TAF3: variants seen among roughly 807,000 people sequenced by gnomAD.
The protein encoded by TAF3 is TATA-box binding protein associated factor 3.
Under a neutral mutation model 80.6 loss-of-function variants are expected in TAF3, and 7 were observed. The ratio of observed to expected loss-of-function variants is 0.09; its 90% CI spans 0.05 to 0.16. The LOEUF is 0.16. TAF3 is among the 10% of genes least tolerant of loss of function. TAF3 has a pLI of 1.00. For missense variants in TAF3, 921 were observed against 1,140.2 expected, an observed-to-expected ratio of 0.81 and a Z score of 2.77; for synonymous variants, 444 against 446.1, an observed-to-expected ratio of 1.00 and a Z score of 0.06.
intron 2 of TAF3, among the ~76,000 whole-genome samples, chr10:7,850,184 T>G (rs1440801953): frequency 6.6e-6 from 1 of 152,210 alleles, no homozygotes; most frequent in Non-Finnish European, 1.5e-5. Context: ...GATGTACCTG[T>G]GGATTAAATC....
chr10:7,943,264 T>C (rs988989816), intron 2 of TAF3, among the ~76,000 whole-genome samples: 2 of 152,182 alleles, frequency 1.3e-5, no homozygotes, highest in African/African-American at 4.8e-5. Flanking sequence ...GTCTTCTGAT[T>C]CTGGCTCCTA....
At chr10:7,994,985 A>G (rs1226610259) in intron 4 of TAF3, among the ~76,000 whole-genome samples, 2 of 151,092 alleles carry the variant, frequency 1.3e-5, no homozygotes, top group African/African-American at 2.4e-5. Context: ...AAGAAAAAAA[A>G]AAAAAAAAAA....
At position 7,910,319 on chromosome 10, in the gene TAF3, A is replaced by G. The variant is rs556823174; in HGVS notation, c.410-53601A>G. On this transcript the variant is annotated intron_variant, in intron 2 of 6. Coordinates refer to ENST00000344293, the MANE Select transcript of TAF3 (RefSeq NM_031923.4). ...TACTGCAAATAGAAAATACTGCTAC[A>G]ACATACAAACATCTAAATATCAGGA... Among the ~76,000 whole-genome samples the G allele has an allele frequency of 5.3e-5, 8 of 152,236 alleles. 1 individual carries two copies. Among genetic ancestry groups the G allele is most frequent in the African/African-American group, 1.9e-4 (8 of 41,584 alleles).
intron 2 of TAF3, among the ~76,000 whole-genome samples, chr10:7,902,115 G>A (rs1361588947): frequency 6.6e-6 from 1 of 151,972 alleles, no homozygotes; most frequent in African/African-American, 2.4e-5. Context: ...ACATATTTAG[G>A]GACTTTAACA....
chr10:7,862,052 T>C (rs937254295), intron 2 of TAF3, among the ~76,000 whole-genome samples: 4 of 152,204 alleles, frequency 2.6e-5, no homozygotes, highest in Non-Finnish European at 5.9e-5. Flanking sequence ...GTCACTGAGC[T>C]TTCTGCTACA....
intron 2 of TAF3, among the ~76,000 whole-genome samples, chr10:7,845,960 T>G (rs1200453077): frequency 2.2e-5 from 1 of 44,810 alleles, no homozygotes; most frequent in Non-Finnish European, 4.5e-5. Context: ...TGTGTTTTTG[T>G]TTTTTTTTTT....
intron 2 of TAF3, among the ~76,000 whole-genome samples, chr10:7,845,743 C>T (rs1276425266): frequency 1.3e-5 from 2 of 152,048 alleles, no homozygotes; most frequent in Admixed American, 6.6e-5. Context: ...TTCAATTGGC[C>T]GTGTGAGAGG....
At position 7,963,969 on chromosome 10, in the gene TAF3, C is replaced by G; in HGVS notation, c.459C>G (p.Ala153=). Residue 153 remains alanine, a synonymous_variant, in exon 3 of 7, where the codon GCC becomes GCG. Transcript: ENST00000344293. ...VPTDGGTSAE[A]MQVPLEEDDE... ...CTGATGGAGGCACATCAGCAGAAGC[C>G]ATGCAGGTTCCCTTGGAAGAAGATG... is the stretch of plus-strand genomic sequence containing the variant. 15 of 1,613,552 alleles carry G rather than the reference C, an allele frequency of 9.3e-6. No homozygotes were observed. Among genetic ancestry groups the G allele is most frequent in the Non-Finnish European group, 1.3e-5 (15 of 1,179,788 alleles).
At chr10:8,000,966 G>T (rs1174955690) in intron 4 of TAF3, among the ~76,000 whole-genome samples, 3 of 152,002 alleles carry the variant, frequency 2.0e-5, no homozygotes. Flanking sequence ...TCATTTGTGT[G>T]TGTGCACACA....
chr10:7,856,198 A>G (rs750666118), intron 2 of TAF3, among the ~76,000 whole-genome samples: 9 of 152,040 alleles, frequency 5.9e-5, no homozygotes, highest in Non-Finnish European at 1.0e-4. Flanking sequence ...ATCAGAAAAG[A>G]TTTTGGCTGG....
At chr10:7,894,321 A>G (rs1381259797) in intron 2 of TAF3, among the ~76,000 whole-genome samples, 3 of 152,232 alleles carry the variant, frequency 2.0e-5, no homozygotes, top group Non-Finnish European at 4.4e-5. Flanking sequence ...AAACGTGAAA[A>G]AAATTACCAC....
chr10:7,989,364 A>G (rs1259273384), intron 4 of TAF3, among the ~76,000 whole-genome samples: 1 of 152,246 alleles, frequency 6.6e-6, no homozygotes, highest in African/African-American at 2.4e-5. Context: ...CAAACCCAGC[A>G]GATGCCCTGA....
rs1256080028 is a variant in TAF3 at position 8,014,673 on chromosome 10, G to C, written c.2712G>C (p.Glu904Asp). ...CVGIMTAPPE[E>D]MQWFCPKCAN... ...GAATCATGACTGCACCCCCAGAAGA[G>C]ATGCAGTGGTTCTGCCCCAAGTGTG... is the stretch of plus-strand genomic sequence containing the variant. The change falls in exon 7 of 7, where the codon GAG (glutamate) becomes GAC (aspartate). Residue 904 changes from glutamate to aspartate, a missense_variant. By Grantham distance (45) the Glu-to-Asp change is conservative (BLOSUM62 2). Coordinates refer to ENST00000344293, the MANE Select transcript of TAF3 (RefSeq NM_031923.4). The C allele has an allele frequency of 1.2e-6, 2 of 1,613,136 alleles. No individual in the cohort carries two copies. The highest frequency in any genetic ancestry group is 8.5e-7 in the Non-Finnish European group (1 of 1,179,642).
At chr10:7,892,818 CT>C (rs1020623158) in intron 2 of TAF3, among the ~76,000 whole-genome samples, 181 of 137,108 alleles carry the variant, frequency 1.3e-3, no homozygotes, top group Admixed American at 1.8e-3. Context: ...TTTTCTTTTT[CT>C]TTTTTTTTTT....
rs1215524851 is a variant in TAF3 at position 7,842,157 on chromosome 10, TTTTTTTGTTTTTTTTTTTG to T, written c.409+17604_409+17622del. On this transcript the variant is annotated intron_variant, in intron 2 of 6. Transcript: ENST00000344293. ...AGGATATTGAATTAATATTGTTTTT[TTTTTTTGTTTTTTTTTTTG>T]TTTTTTTTTTTTTTTGAGACAGAGT... 1.9e-4 allele frequency among the ~76,000 whole-genome samples: 23 copies of T among 122,872 alleles called. 1 individual carries two copies. The highest frequency in any genetic ancestry group is 3.4e-4 in the African/African-American group (11 of 32,560). 80.6% of individuals were successfully genotyped at this position (122,872 alleles called of 152,430 possible).
chr10:7,879,926 T>C (rs991040917), intron 2 of TAF3, among the ~76,000 whole-genome samples: 4 of 152,142 alleles, frequency 2.6e-5, no homozygotes, highest in Non-Finnish European at 5.9e-5. Context: ...AAATAAAACC[T>C]GGCTGGGCAC....
chr10:7,861,366 A>G (rs905744760), intron 2 of TAF3, among the ~76,000 whole-genome samples: 1 of 151,702 alleles, frequency 6.6e-6, no homozygotes, highest in East Asian at 2.0e-4. Context: ...TTGTCCTCCC[A>G]AAGTGCTGGG....
At chr10:7,824,143 A>G (rs1836718228) in intron 1 of TAF3, among the ~76,000 whole-genome samples, 175 bp from the exon 2 acceptor site, 1 of 152,150 alleles carries the variant, frequency 6.6e-6, no homozygotes, top group African/African-American at 2.4e-5. Context: ...GACTTTAATA[A>G]TCAGCTTAAA....
At chr10:7,873,623 C>CCCG (rs1554779075) in intron 2 of TAF3, among the ~76,000 whole-genome samples, 3 of 96,538 alleles carry the variant, frequency 3.1e-5, no homozygotes, top group South Asian at 4.1e-4. Context: ...GTTCTCCCCC[C>CCCG]CCCCCCGTCA....
Sources: allele counts gnomAD v4.1 joint callset (sites outside exome capture counted in the v4.1 genomes callset), GRCh38; gene constraint gnomAD v4.1.1; transcripts MANE v1.5; gene names NCBI Gene and HGNC (gene_info 2026-07-23, HGNC 2026-07-21).